The following RAI14 variants were observed in gnomAD, a reference collection of about 807,000 sequenced individuals.
RAI14 encodes the protein ankycorbin.
A neutral mutation model predicts 115.4 loss-of-function variants in RAI14; 45 were observed. The observed-to-expected ratio is 0.39, with a 90% CI of 0.31 to 0.50. The LOEUF (loss-of-function observed/expected upper bound fraction) is 0.50. RAI14 is among the 20% of genes least tolerant of loss of function. The pLI is 0.85. For missense variants in RAI14, 939 were observed against 1,131.2 expected (o/e 0.83, Z 2.44); for synonymous variants, 371 against 415.4 (o/e 0.89, Z 1.30).
intron 2 of RAI14, among the ~76,000 whole-genome samples, chr5:34,690,806 C>A (rs772582493): frequency 1.3e-5 from 2 of 152,020 alleles, no homozygotes; most frequent in Non-Finnish European, 2.9e-5. Context: ...GCATTTATAA[C>A]TTTATTTTGG....
intron 2 of RAI14, among the ~76,000 whole-genome samples, chr5:34,709,631 G>A (rs777615653): frequency 6.6e-6 from 1 of 152,136 alleles, no homozygotes; most frequent in African/African-American, 2.4e-5. Flanking sequence ...TAACCCCACT[G>A]CACATTAACA....
chr5:34,677,739 T>C (rs1744092212), intron 1 of RAI14, among the ~76,000 whole-genome samples: 1 of 152,168 alleles, frequency 6.6e-6, no homozygotes, highest in Non-Finnish European at 1.5e-5. Context: ...GCACCCAGCC[T>C]CTGACTTTTC....
At chr5:34,683,604 A>G (rs1185085623) in intron 1 of RAI14, among the ~76,000 whole-genome samples, 1 of 152,164 alleles carries the variant, frequency 6.6e-6, no homozygotes, top group Non-Finnish European at 1.5e-5. Flanking sequence ...GGAACTGCAC[A>G]GTTTTGGGTT....
chr5:34,734,186 C>G (rs1669992422), intron 2 of RAI14, among the ~76,000 whole-genome samples: 1 of 152,208 alleles, frequency 6.6e-6, no homozygotes, highest in African/African-American at 2.4e-5. Context: ...CCCCCCTGGT[C>G]TCTGTGTGAT....
Position 34,819,161 on chromosome 5 carries a change from A to G in RAI14, c.994+310A>G, listed in dbSNP as rs1490456985. Among the ~76,000 whole-genome samples the G allele has an allele frequency of 2.6e-5, 4 of 152,242 alleles. 1 individual carries two copies. The highest frequency in any genetic ancestry group is 3.8e-4 in the East Asian group (2 of 5,200). ...TAAGCCTCAGTGGTATTAGCAGACC[A>G]GTGATTTTGTCACCAAGAGAATTCC... On this transcript the variant is annotated intron_variant, in intron 13 of 17. Transcript: ENST00000265109.
At chr5:34,783,590 GACA>G (rs1208331181) in intron 3 of RAI14, among the ~76,000 whole-genome samples, 1 of 152,158 alleles carries the variant, frequency 6.6e-6, no homozygotes, top group East Asian at 1.9e-4. Context: ...TTCAGCTGCT[GACA>G]GCATCTGGCC....
At chr5:34,730,285 T>C (rs1744010291) in intron 2 of RAI14, among the ~76,000 whole-genome samples, 1 of 152,228 alleles carries the variant, frequency 6.6e-6, no homozygotes, top group Non-Finnish European at 1.5e-5. Flanking sequence ...CCATGTCCTG[T>C]GTATCACTTT....
In RAI14 at chr5:34,766,816, A is replaced by G. The variant is rs374969950; in HGVS notation, c.167+9218A>G. 8.1e-3 allele frequency among the ~76,000 whole-genome samples: 1,238 copies of G among 152,260 alleles called. 7 individuals carry two copies. The highest frequency in any genetic ancestry group is 0.026 in the South Asian group (127 of 4,818). On this transcript the variant is annotated intron_variant, in intron 3 of 17. Coordinates refer to ENST00000265109, the MANE Select transcript of RAI14 (RefSeq NM_015577.3). ...GATTTGGCTCTGTGTCCCTACCCAA[A>G]TCTCATCTAAAATTGTACTCCCATA... is the stretch of plus-strand genomic sequence containing the variant.
intron 2 of RAI14, among the ~76,000 whole-genome samples, chr5:34,719,894 G>A (rs1742453248): frequency 6.6e-6 from 1 of 151,966 alleles, no homozygotes; most frequent in Non-Finnish European, 1.5e-5. Flanking sequence ...CTTAAAATCA[G>A]CCCTAACCTG....
At chr5:34,726,399 T>C (rs1340020663) in intron 2 of RAI14, among the ~76,000 whole-genome samples, 2 of 151,132 alleles carry the variant, frequency 1.3e-5, no homozygotes, top group Non-Finnish European at 3.0e-5. Flanking sequence ...GGAGAAAGAG[T>C]GAGTGAAGGG....
At chr5:34,759,646 A>G (rs924578146) in intron 3 of RAI14, among the ~76,000 whole-genome samples, 1 of 134,518 alleles carries the variant, frequency 7.4e-6, no homozygotes, top group African/African-American at 2.8e-5. Flanking sequence ...CAGGGCTCCC[A>G]CAGATTCTAC....
Position 34,757,530 on chromosome 5 carries a change from G to A in RAI14, c.99G>A (p.Glu33=), listed in dbSNP as rs1748058078. Reference sequence around the variant, plus strand: ...AGGCCGTGGAGAATGGAGATGCGGAGAAGGTGGCCTCACTGCTCGGCAAGA... The same window carrying A: ...AGGCCGTGGAGAATGGAGATGCGGAAAAGGTGGCCTCACTGCTCGGCAAGA... The part of the protein sequence containing the change: ...LLQAVENGDA[E]KVASLLGKKG... Residue 33 remains glutamate (E), a synonymous_variant, in exon 3 of 18, where the codon GAG becomes GAA. Transcript: ENST00000265109. 3 of 1,613,996 alleles carry A rather than the reference G, an allele frequency of 1.9e-6. No homozygotes were observed. The East Asian group carries it at 6.7e-5, about 36-fold the overall frequency.
chr5:34,738,879 C>T (rs1745169500), intron 2 of RAI14, among the ~76,000 whole-genome samples: 1 of 152,180 alleles, frequency 6.6e-6, no homozygotes, highest in South Asian at 2.1e-4. Flanking sequence ...ATACATTGCT[C>T]AAGATATGGA....
intron 2 of RAI14, chr5:34,757,253 G>A (rs932617413): frequency 2.6e-5 from 16 of 610,702 alleles, no homozygotes; most frequent in Admixed American, 1.1e-4. Flanking sequence ...GTGACTAGCC[G>A]TGATTTCATT....
intron 3 of RAI14, among the ~76,000 whole-genome samples, chr5:34,762,061 A>G (rs164311): frequency 0.3 from 44,892 of 152,134 alleles, 8,500 homozygotes; most frequent in African/African-American, 0.54. Flanking sequence ...GTACAATCTT[A>G]TTGTGTTGGT....
intron 3 of RAI14, among the ~76,000 whole-genome samples, chr5:34,780,136 T>G (rs1457830319): frequency 6.6e-6 from 1 of 152,194 alleles, no homozygotes; most frequent in Non-Finnish European, 1.5e-5. Flanking sequence ...GATTCCCTAT[T>G]TAATAAATGG....
At chr5:34,709,384 G>T (rs567237421) in intron 2 of RAI14, among the ~76,000 whole-genome samples, 66 of 152,228 alleles carry the variant, frequency 4.3e-4, no homozygotes, top group Non-Finnish European at 7.8e-4. Context: ...GACGACGGAG[G>T]TTGCAGTGAG....
intron 1 of RAI14, among the ~76,000 whole-genome samples, chr5:34,674,076 T>G (rs1743805376): frequency 6.6e-6 from 1 of 152,024 alleles, no homozygotes; most frequent in South Asian, 2.1e-4. Flanking sequence ...CCTACCTTCA[T>G]GTGAGCCAGC....
At chr5:34,811,569 T>A (rs982255308) in intron 8 of RAI14, among the ~76,000 whole-genome samples, 198 bp from the exon 9 acceptor site, 4 of 145,044 alleles carry the variant, frequency 2.8e-5, no homozygotes, top group East Asian at 2.0e-4. Flanking sequence ...ATGTTTTGAT[T>A]TAATCTGAAG....
Sources: allele counts gnomAD v4.1 joint callset (sites outside exome capture counted in the v4.1 genomes callset), GRCh38; gene constraint gnomAD v4.1.1; transcripts MANE v1.5; gene names NCBI Gene and HGNC (gene_info 2026-07-23, HGNC 2026-07-21).